Variants in SNAP91 observed in about 807,000 individuals in gnomAD.
The protein encoded by SNAP91 is synaptosome associated protein 91, also known as clathrin coat assembly protein AP180.
In SNAP91, 27 loss-of-function variants were observed where a neutral mutation model predicts 100.3. The ratio of observed to expected loss-of-function variants is 0.27; its 90% CI spans 0.20 to 0.37. SNAP91 has a LOEUF of 0.37. Among genes scored for constraint, SNAP91 ranks in the 10% least tolerant of loss-of-function variants. SNAP91 has a pLI of 1.00. For missense variants in SNAP91, 986 were observed against 1,123.7 expected, an observed-to-expected ratio of 0.88 and a Z score of 1.75; for synonymous variants, 404 against 398.6, an observed-to-expected ratio of 1.01 and a Z score of -0.16.
At chr6:83,580,367 A>ATG in intron 24 of SNAP91, 83 bp downstream of exon 24, 1 of 1,350,040 alleles carries the variant, frequency 7.4e-7, no homozygotes, top group South Asian at 1.4e-5. Flanking sequence ...AACATATGAG[A>ATG]TGAGAGAGAG....
At chr6:83,677,896 A>G (rs1259578381) in intron 2 of SNAP91, among the ~76,000 whole-genome samples, 2 of 152,228 alleles carry the variant, frequency 1.3e-5, no homozygotes, top group African/African-American at 4.8e-5. Flanking sequence ...CATTTGTAAC[A>G]GACTACTGAA....
intron 3 of SNAP91, among the ~76,000 whole-genome samples, chr6:83,663,335 G>A (rs1047377655): frequency 2.6e-5 from 4 of 152,080 alleles, no homozygotes; most frequent in South Asian, 4.1e-4. Flanking sequence ...GTGGCATGTC[G>A]AAAGCTGAGA....
chr6:83,604,393 A>C (rs970579086), intron 14 of SNAP91, among the ~76,000 whole-genome samples: 2 of 152,182 alleles, frequency 1.3e-5, no homozygotes, highest in Admixed American at 1.3e-4. Flanking sequence ...ATTTCAATAT[A>C]GGATAAGGTT....
chr6:83,610,744 T>G (rs908425621), intron 11 of SNAP91, 67 bp from the exon 12 acceptor site: 1 of 114,740 alleles, frequency 8.7e-6, no homozygotes, highest in African/African-American at 7.8e-5. Context: ...TATATATATA[T>G]ATAAATATAT....
At chr6:83,686,903 A>G (rs1326388812) in intron 2 of SNAP91, 1 of 152,224 alleles carries the variant, frequency 6.6e-6, no homozygotes, top group Non-Finnish European at 1.5e-5. Flanking sequence ...CTAATTAACA[A>G]TAATGCCTTT....
At chr6:83,599,325 AAAAAATCT>A (rs2094890738) in intron 16 of SNAP91, among the ~76,000 whole-genome samples, 1 of 152,202 alleles carries the variant, frequency 6.6e-6, no homozygotes, top group South Asian at 2.1e-4. Flanking sequence ...GACTGGAAAC[AAAAAATCT>A]AAACAGCTAA....
chr6:83,641,219 G>T lies in SNAP91; in HGVS notation c.659-17C>A. 1 of 1,161,070 alleles carries T rather than the reference G, an allele frequency of 8.6e-7. No homozygotes were observed. Among genetic ancestry groups the T allele is most frequent in the Non-Finnish European group, 1.2e-6 (1 of 832,272 alleles). The allele number at this position is 1,161,070 out of a possible 1,614,324, so 71.9% of individuals were successfully genotyped here. On this transcript the variant is annotated splice_polypyrimidine_tract_variant and intron_variant, in intron 7 of 29. Coordinates refer to ENST00000369694, the MANE Select transcript of SNAP91 (RefSeq NM_001242792.2). ...AAAACTTTTCTAGAGAAGATAAAGA[G>T]ATAAGCAATTTGAAAAGAGTATTAT...
chr6:83,588,274 A>G (rs1475354011), intron 22 of SNAP91, among the ~76,000 whole-genome samples: 1 of 152,238 alleles, frequency 6.6e-6, no homozygotes, highest in Non-Finnish European at 1.5e-5. Flanking sequence ...ATTGAATATT[A>G]ATTTATTTAA....
chr6:83,638,929 A>G (rs2097566023), intron 8 of SNAP91, among the ~76,000 whole-genome samples: 1 of 152,206 alleles, frequency 6.6e-6, no homozygotes, highest in Admixed American at 6.5e-5. Flanking sequence ...TAGCAGAAAT[A>G]TATCTTACCA....
intron 22 of SNAP91, among the ~76,000 whole-genome samples, chr6:83,583,241 A>G (rs1013968002): frequency 1.3e-5 from 2 of 152,028 alleles, no homozygotes; most frequent in East Asian, 3.9e-4. Context: ...CACCTGGTAC[A>G]TGGCCCCCTG....
chr6:83,668,116 C>A (rs1019789148), intron 2 of SNAP91, among the ~76,000 whole-genome samples: 2 of 152,102 alleles, frequency 1.3e-5, no homozygotes, highest in African/African-American at 4.8e-5. Flanking sequence ...AAATGCAAAG[C>A]AAAACCAAAT....
chr6:83,562,615 T>C (rs1789775881), intron 26 of SNAP91, among the ~76,000 whole-genome samples: 1 of 152,182 alleles, frequency 6.6e-6, no homozygotes, highest in South Asian at 2.1e-4. Context: ...CCCTATGGGA[T>C]AGCTAGATAC....
rs73486951 is a variant in SNAP91, at chr6:83,665,471, T to C, written c.241A>G (p.Thr81Ala). 7.8e-4 allele frequency: 1,256 copies of C among 1,612,820 alleles called. 6 individuals are homozygous for C. The African/African-American group carries it at 0.014, about 19-fold the overall frequency. Residue 81 changes from threonine to alanine, a missense_variant, in exon 3 of 30, where the codon ACA (threonine) becomes GCA (alanine). Thr to Ala is a moderately conservative substitution (Grantham distance 58, BLOSUM62 0). Around this residue, in one of 4 missense-constraint regions of SNAP91, gnomAD observed 330 missense variants for 447.5 expected, o/e 0.74. Transcript: ENST00000369694. ...CCATGCACCATGAGATGATGTGTTG[T>C]CACTAAAGCCTTAAACACAACCACC... ...SWVVVFKALV[T>A]THHLMVHGNE... is the part of the protein sequence containing the mutation.
intron 22 of SNAP91, among the ~76,000 whole-genome samples, chr6:83,585,498 C>T (rs938049728): frequency 4.0e-5 from 6 of 150,628 alleles, no homozygotes; most frequent in African/African-American, 1.5e-4. Context: ...CAATGCCCTC[C>T]AGCCTATGCA....
At chr6:83,607,366 T>TG (rs1562315869) in intron 13 of SNAP91, among the ~76,000 whole-genome samples, 40 of 151,504 alleles carry the variant, frequency 2.6e-4, no homozygotes, top group Non-Finnish European at 5.0e-4. Flanking sequence ...TGTGTGTGTG[T>TG]TTTAAAGCAT....
chr6:83,682,025 CA>C (rs2098996053), intron 2 of SNAP91, among the ~76,000 whole-genome samples: 1 of 152,064 alleles, frequency 6.6e-6, no homozygotes, highest in South Asian at 2.1e-4. Flanking sequence ...ACCTCACTTC[CA>C]TTTGGTGACA....
At chr6:83,656,629 TACTC>T (rs2098411631) in intron 7 of SNAP91, 121 bp downstream of exon 7, 1 of 545,032 alleles carries the variant, frequency 1.8e-6, no homozygotes, top group Non-Finnish European at 3.2e-6. Context: ...TCTGTGGACT[TACTC>T]ACTATCATGA....
At chr6:83,660,750 AT>A (rs1382083792) in intron 5 of SNAP91, among the ~76,000 whole-genome samples, 5 of 151,816 alleles carry the variant, frequency 3.3e-5, no homozygotes, top group African/African-American at 4.8e-5. Flanking sequence ...TAAAAAAAAA[AT>A]ATTTATATAG....
At chr6:83,614,519 C>T (rs1039350360) in intron 11 of SNAP91, among the ~76,000 whole-genome samples, 3 of 152,068 alleles carry the variant, frequency 2.0e-5, no homozygotes, top group Admixed American at 6.6e-5. Context: ...ATAAATTTGT[C>T]TTTTCGCATT....
Sources: allele counts gnomAD v4.1 joint callset (sites outside exome capture counted in the v4.1 genomes callset), GRCh38; gene constraint gnomAD v4.1.1; regional missense constraint gnomAD v4.1.1; transcripts MANE v1.5; gene names NCBI Gene and HGNC (gene_info 2026-07-23, HGNC 2026-07-21).